XAB2: variants seen among roughly 807,000 people sequenced by gnomAD.
The protein encoded by XAB2 is XPA binding protein 2.
XAB2 carries 57 observed loss-of-function variants against 113.4 expected under a neutral mutation model. That is an observed-to-expected ratio of 0.50 (90% confidence interval 0.41 to 0.63). XAB2 has a LOEUF of 0.63. Among genes scored for constraint, XAB2 ranks in the 20% least tolerant of loss-of-function variants. XAB2 has a pLI of 0.00. For synonymous variants in XAB2, 497 were observed against 498.8 expected, an observed-to-expected ratio of 1.00 and a Z score of 0.05; for missense variants, 1,037 against 1,233.3, an observed-to-expected ratio of 0.84 and a Z score of 2.38.
At chr19:7,620,221 C>T in intron 16 of XAB2, 54 bp downstream of exon 16, 1 of 1,608,194 alleles carries the variant, frequency 6.2e-7, no homozygotes, top group Non-Finnish European at 8.5e-7. Context: ...AAGCCCAGGT[C>T]AGGCCGGGCT....
At position 7,620,388 on chromosome 19, in the gene XAB2, T is replaced by A; in HGVS notation, c.2153A>T (p.Asp718Val). The change falls in exon 16 of 19, where the codon GAC (aspartate) becomes GTC (valine). Residue 718 changes from aspartate to valine, a missense_variant. Physicochemically the swap from Asp to Val is radical, Grantham distance 152. Transcript: ENST00000358368. ...GATACGCAGCATTTCCTTGATGGTG[T>A]CCTCATTGCCATGCCGGACCTCAAA... Reference protein sequence around the residue: ...KDFEVRHGNEDTIKEMLRIRR... With the variant: ...KDFEVRHGNEVTIKEMLRIRR... 6.2e-7 allele frequency: 1 copy of A among 1,612,490 alleles called. No individual in the cohort carries two copies. Among genetic ancestry groups the A allele is most frequent in the Non-Finnish European group, 8.5e-7 (1 of 1,179,920 alleles).
In XAB2 at chr19:7,620,864, G is replaced by A; in HGVS notation, c.1953C>T (p.Ile651=). The A allele has an allele frequency of 6.3e-7, 1 of 1,588,132 alleles. No homozygotes were observed. The highest frequency in any genetic ancestry group is 8.6e-7 in the Non-Finnish European group (1 of 1,166,166). ...EIYGVTHTRG[I]YQKAIEVLSD... is the part of the protein sequence containing the mutation. ...TGGGTACCTCAATGGCCTTCTGGTA[G>A]ATGCCGCGGGTGTGGGTGACCCCAT... is the stretch of plus-strand genomic sequence containing the variant. Residue 651 remains isoleucine, a synonymous_variant, in exon 14 of 19, where the codon ATC becomes ATT. Coordinates refer to ENST00000358368, the MANE Select transcript of XAB2 (RefSeq NM_020196.3).
At position 7,624,651 on chromosome 19, in the gene XAB2, A is replaced by C. The variant is rs1367260141; in HGVS notation, c.823-206T>G. Among the ~76,000 whole-genome samples the C allele has an allele frequency of 3.9e-5, 6 of 152,050 alleles. No individual in the cohort carries two copies. The highest frequency in any genetic ancestry group is 8.8e-5 in the Non-Finnish European group (6 of 67,976). On this transcript the variant is annotated intron_variant, in intron 6 of 18. Coordinates refer to ENST00000358368, the MANE Select transcript of XAB2 (RefSeq NM_020196.3). This position sits in a 1 kb window ranked among gnomAD's most constrained non-coding sequence, Gnocchi z 4.2. ...CCTGCACTGCCAGGGTGGTCTTGGG[A>C]GCTTCAGGACCTCCTCAGTAAACTG...
At chr19:7,626,358 C>G (rs930318879) in intron 4 of XAB2, 88 bp from the exon 5 acceptor site, 15 of 1,544,616 alleles carry the variant, frequency 9.7e-6, no homozygotes, top group South Asian at 2.3e-5. Flanking sequence ...CGTCCCCCCC[C>G]ACCCATTTAT....
At position 7,620,575 on chromosome 19, in the gene XAB2, C is replaced by T; in HGVS notation, c.2066G>A (p.Ser689Asn). The T allele has an allele frequency of 6.2e-7, 1 of 1,613,434 alleles. No homozygotes were observed. Among genetic ancestry groups the T allele is most frequent in the Non-Finnish European group, 8.5e-7 (1 of 1,179,958 alleles). Residue 689 changes from serine (S) to asparagine (N), a missense_variant, in exon 15 of 19, where the codon AGC (serine) becomes AAC (asparagine). Coordinates refer to ENST00000358368, the MANE Select transcript of XAB2 (RefSeq NM_020196.3). ...GGGGTCACAGATCTGGGAGCAGAAG[C>T]TGTAGATGGCCCGGGCGCGGTCAAT... ...GEIDRARAIY[S>N]FCSQICDPRT...
chr19:7,625,801 G>T lies in XAB2; in HGVS notation c.822+79C>A, dbSNP rs2031127057. On this transcript the variant is annotated intron_variant, in intron 6 of 18. Transcript: ENST00000358368. The surrounding 1 kb of genome is among the most constrained non-coding windows in gnomAD (Gnocchi z 5.2). ...GCCATAAATGGCATGTTTTCTGCCT[G>T]TGCATGTGTCAACATGTGTCCCCGA... The T allele has an allele frequency of 2.2e-5, 33 of 1,516,772 alleles. No individual in the cohort carries two copies. The highest frequency in any genetic ancestry group is 2.8e-5 in the Non-Finnish European group (31 of 1,126,562). 94.0% of individuals were successfully genotyped at this position (1,516,772 alleles called of 1,614,324 possible). A position where few individuals can be genotyped will look rare whatever the true frequency, so the allele number is the denominator to read the frequency against.
chr19:7,620,743 C>A, intron 14 of XAB2, 74 bp from the exon 15 acceptor site: 2 of 1,590,412 alleles, frequency 1.3e-6, no homozygotes, highest in South Asian at 1.1e-5. Flanking sequence ...CATGGCCATC[C>A]CTGTGCTTCC....
At position 7,624,497 on chromosome 19, in the gene XAB2, G is replaced by C; in HGVS notation, c.823-52C>G. 6.2e-7 allele frequency: 1 copy of C among 1,610,948 alleles called. No homozygotes were observed. The highest frequency in any genetic ancestry group is 8.5e-7 in the Non-Finnish European group (1 of 1,179,692). On this transcript the variant is annotated intron_variant, in intron 6 of 18. Transcript: ENST00000358368. This position sits in a 1 kb window ranked among gnomAD's most constrained non-coding sequence, Gnocchi z 4.2. ...GAGAGGAAAGTGGCGCAGGGGACAG[G>C]CAGCAGCACTCTTAGCACCAGCCTC... is the stretch of plus-strand genomic sequence containing the variant.
chr19:7,623,343 T>G lies in XAB2; in HGVS notation c.1120-54A>C, dbSNP rs2031075827. 2 of 1,599,058 alleles carry G rather than the reference T, an allele frequency of 1.3e-6. No individual in the cohort carries two copies. On this transcript the variant is annotated intron_variant, in intron 8 of 18. Transcript: ENST00000358368. The surrounding 1 kb of genome is among the most constrained non-coding windows in gnomAD (Gnocchi z 4.6). ...GGACTCAGGACCCTGCAGATGACGG[T>G]CGGGGCAGAGCTGTGGCTCTGAGGG...
Position 7,623,095 on chromosome 19 carries a change from C to T in XAB2, c.1239+75G>A, listed in dbSNP as rs1312325625. 1 of 1,589,650 alleles carries T rather than the reference C, an allele frequency of 6.3e-7. No homozygotes were observed. Among genetic ancestry groups the T allele is most frequent in the African/African-American group, 1.3e-5 (1 of 74,792 alleles). ...GCACACATCCATGCACAAATATGTA[C>T]ACACACATACATGCACACATATACA... On this transcript the variant is annotated intron_variant, in intron 9 of 18. Transcript: ENST00000358368. The surrounding 1 kb of genome is among the most constrained non-coding windows in gnomAD (Gnocchi z 4.6).
At chr19:7,621,398 T>G in intron 12 of XAB2, 101 bp from the exon 13 acceptor site, 1 of 1,390,088 alleles carries the variant, frequency 7.2e-7, no homozygotes, top group African/African-American at 1.4e-5. Context: ...TGCCAGGAAC[T>G]CCCTTGGGGC....
chr19:7,627,993 G>C lies in XAB2; in HGVS notation c.201-142C>G. 2 of 1,471,592 alleles carry C rather than the reference G, an allele frequency of 1.4e-6. No homozygotes were observed. Among genetic ancestry groups the C allele is most frequent in the Admixed American group, 3.9e-5 (2 of 50,748 alleles). The allele number at this position is 1,471,592 out of a possible 1,614,324, so 91.2% of individuals were successfully genotyped here. A position where few individuals can be genotyped will look rare whatever the true frequency, so the allele number is the denominator to read the frequency against. ...CTCAGCAATGACAGGGACAGACTGGGACATCAGAGAAGGTGTGCTGACCCA... is the reference window on the plus strand; with the variant it reads ...CTCAGCAATGACAGGGACAGACTGGCACATCAGAGAAGGTGTGCTGACCCA... On this transcript the variant is annotated intron_variant, in intron 2 of 18. Transcript: ENST00000358368. The surrounding 1 kb of genome is among the most constrained non-coding windows in gnomAD (Gnocchi z 4.5).
intron 9 of XAB2, 72 bp from the exon 10 acceptor site, chr19:7,622,965 G>A (rs1246999046): frequency 3.9e-5 from 62 of 1,579,586 alleles, no homozygotes; most frequent in Non-Finnish European, 5.2e-5. Flanking sequence ...GGGTCAGAAA[G>A]GTGACCATGC....
At chr19:7,619,893 GGGCCCCCTTGGGACCT>G in intron 17 of XAB2, 37 bp from the exon 18 acceptor site, 11 of 1,609,638 alleles carry the variant, frequency 6.8e-6, no homozygotes, top group Non-Finnish European at 9.3e-6. Context: ...TCCCCACCCC[GGGCCCCCTTGGGACCT>G]GTCCCAGTCC....
In XAB2 at chr19:7,625,774, C is replaced by T. The variant is rs2031126532; in HGVS notation, c.822+106G>A. The stretch of plus-strand genomic sequence containing the variant: ...GATGACAGGTGTGAGCCACCACACC[C>T]AGCCATAAATGGCATGTTTTCTGCC... On this transcript the variant is annotated intron_variant, in intron 6 of 18. Transcript: ENST00000358368. The surrounding 1 kb of genome is among the most constrained non-coding windows in gnomAD (Gnocchi z 5.2). 7.0e-7 allele frequency: 1 copy of T among 1,438,690 alleles called. No individual in the cohort carries two copies. 89.1% of individuals were successfully genotyped at this position (1,438,690 alleles called of 1,614,324 possible). A position where few individuals can be genotyped will look rare whatever the true frequency, so the allele number is the denominator to read the frequency against.
In XAB2 at chr19:7,620,393, A is replaced by G. The variant is rs1461275255; in HGVS notation, c.2148T>C (p.Asn716=). 7 of 1,612,220 alleles carry G rather than the reference A, an allele frequency of 4.3e-6. No homozygotes were observed. Among genetic ancestry groups the G allele is most frequent in the South Asian group, 1.1e-5 (1 of 91,080 alleles). Residue 716 remains asparagine, a synonymous_variant, in exon 16 of 19, where the codon AAT becomes AAC. Coordinates refer to ENST00000358368, the MANE Select transcript of XAB2 (RefSeq NM_020196.3). The part of the protein sequence containing the change: ...TWKDFEVRHG[N]EDTIKEMLRI... Reference sequence around the variant, plus strand: ...GCAGCATTTCCTTGATGGTGTCCTCATTGCCATGCCGGACCTCAAAGTCCT... The same window carrying G: ...GCAGCATTTCCTTGATGGTGTCCTCGTTGCCATGCCGGACCTCAAAGTCCT...
In XAB2 at chr19:7,620,527, G is replaced by A. The variant is rs749406741; in HGVS notation, c.2094+20C>T. The A allele has an allele frequency of 1.2e-5, 20 of 1,612,972 alleles. No homozygotes were observed. Among genetic ancestry groups the A allele is most frequent in the South Asian group, 4.4e-5 (4 of 91,086 alleles). On this transcript the variant is annotated intron_variant, in intron 15 of 18. Coordinates refer to ENST00000358368, the MANE Select transcript of XAB2 (RefSeq NM_020196.3). Reference sequence around the variant, plus strand: ...GCCGCAGCCCCCAACCCTGATACCCGTCCCTCCCCACAGCCCTACCCGGGG... The same window carrying A: ...GCCGCAGCCCCCAACCCTGATACCCATCCCTCCCCACAGCCCTACCCGGGG...
chr19:7,620,978 C>G lies in XAB2; in HGVS notation c.1839G>C (p.Met613Ile). The G allele has an allele frequency of 1.3e-6, 2 of 1,573,606 alleles. No homozygotes were observed. Among genetic ancestry groups the G allele is most frequent in the Non-Finnish European group, 1.7e-6 (2 of 1,160,858 alleles). The change falls in exon 14 of 19, where the codon ATG (methionine) becomes ATC (isoleucine). Residue 613 changes from methionine to isoleucine, a missense_variant. By Grantham distance (10) the Met-to-Ile change is conservative. Transcript: ENST00000358368. ...CCCTGGTGGCACGCTCGTACACGGC[C>G]ATGGCATGCCGGGCCAGGCCCCACT... Reference protein sequence around the residue: ...EEEWGLARHAMAVYERATRAV... With the variant: ...EEEWGLARHAIAVYERATRAV...
rs1599373455 is a variant in XAB2 at position 7,626,156 on chromosome 19, C to T, written c.637G>A (p.Ala213Thr). The T allele has an allele frequency of 6.2e-7, 1 of 1,613,688 alleles. No individual in the cohort carries two copies. Among genetic ancestry groups the T allele is most frequent in the South Asian group, 1.1e-5 (1 of 91,082 alleles). Residue 213 changes from alanine to threonine, a missense_variant, in exon 5 of 19, where the codon GCC becomes ACC. Physicochemically the swap from Ala to Thr is moderately conservative, Grantham distance 58. Coordinates refer to ENST00000358368, the MANE Select transcript of XAB2 (RefSeq NM_020196.3). Reference sequence around the variant, plus strand: ...CCCACCTGGTAGTTGGACTTGCCGGCCTTAGACACGAAACGCTCGTCGTTC... The same window carrying T: ...CCCACCTGGTAGTTGGACTTGCCGGTCTTAGACACGAAACGCTCGTCGTTC... ...VVNDERFVSK[A>T]GKSNYQLWHE...
Sources: allele counts gnomAD v4.1 joint callset (sites outside exome capture counted in the v4.1 genomes callset), GRCh38; gene constraint gnomAD v4.1.1; non-coding constraint Gnocchi (gnomAD v3.1); transcripts MANE v1.5; gene names NCBI Gene and HGNC (gene_info 2026-07-23, HGNC 2026-07-21).